Variants in PTPN5 observed in about 807,000 individuals in gnomAD.
The protein encoded by PTPN5 is protein tyrosine phosphatase non-receptor type 5.
PTPN5 carries 29 observed loss-of-function variants against 73.9 expected under a neutral mutation model. The ratio of observed to expected loss-of-function variants is 0.39; its 90% CI spans 0.29 to 0.54. PTPN5 has a LOEUF of 0.54. Ranked by LOEUF, PTPN5 falls within the 20% of genes least tolerant of loss-of-function variation. PTPN5 has a pLI of 0.65. For missense variants in PTPN5, 652 were observed against 751.4 expected (o/e 0.87, Z 1.55); for synonymous variants, 267 against 304.7 (o/e 0.88, Z 1.29).
chr11:18,746,495 G>T (rs1242033681), intron 3 of PTPN5, among the ~76,000 whole-genome samples: 1 of 151,968 alleles, frequency 6.6e-6, no homozygotes, highest in African/African-American at 2.4e-5. Flanking sequence ...CCCGGCAGCT[G>T]TTATAAATAT....
chr11:18,754,460 A>AG (rs1850037249), intron 3 of PTPN5, among the ~76,000 whole-genome samples: 1 of 152,040 alleles, frequency 6.6e-6, no homozygotes, highest in Non-Finnish European at 1.5e-5. Context: ...CTACAGGGAG[A>AG]GGGGAATTCC....
chr11:18,744,422 CAG>C, intron 3 of PTPN5: 1 of 400,026 alleles, frequency 2.5e-6, no homozygotes, highest in Non-Finnish European at 4.4e-6. Context: ...TCTCCAGTAA[CAG>C]AGTTAAAATG....
At chr11:18,791,276 G>C (rs940410732) in intron 1 of PTPN5, among the ~76,000 whole-genome samples, 1 of 152,210 alleles carries the variant, frequency 6.6e-6, no homozygotes, top group South Asian at 2.1e-4. Flanking sequence ...AACCGCGCAC[G>C]GGCTTCGTGG....
Position 18,749,297 on chromosome 11 carries a change from T to C in PTPN5, c.98-5098A>G, listed in dbSNP as rs1267723388. ...TCATGGACTCACCTCTTGCACAGGA[T>C]GATGGGATTTTCCAGGCAAGAAAAA... is the stretch of plus-strand genomic sequence containing the variant. On this transcript the variant is annotated intron_variant, in intron 3 of 14. Transcript: ENST00000358540. 19 of 484,844 alleles carry C rather than the reference T, an allele frequency of 3.9e-5. No individual in the cohort carries two copies. The Admixed American group carries it at 3.9e-4, about 10-fold the overall frequency. 30.0% of individuals were successfully genotyped at this position (484,844 alleles called of 1,614,324 possible). A position where few individuals can be genotyped will look rare whatever the true frequency, so the allele number is the denominator to read the frequency against.
intron 1 of PTPN5, among the ~76,000 whole-genome samples, chr11:18,786,074 A>C (rs1404104583): frequency 6.6e-6 from 1 of 152,192 alleles, no homozygotes; most frequent in Non-Finnish European, 1.5e-5. Flanking sequence ...ACAGTGGGAA[A>C]AGCTTTTCTC....
rs550692152 is a variant in PTPN5 at position 18,787,425 on chromosome 11, C to T, written c.-114+4100G>A. 3.3e-5 allele frequency among the ~76,000 whole-genome samples: 5 copies of T among 152,284 alleles called. No homozygotes were observed. In the East Asian group the frequency reaches 9.6e-4, roughly 29 times the overall value. On this transcript the variant is annotated intron_variant, in intron 1 of 14. Transcript: ENST00000358540. ...ATATAAGGTGAATAGGATATGTGTTCTCTTAGATTCATTAACATCATGCAG... is the reference window on the plus strand; with the variant it reads ...ATATAAGGTGAATAGGATATGTGTTTTCTTAGATTCATTAACATCATGCAG...
At chr11:18,760,689 C>G (rs1850345858) in intron 3 of PTPN5, among the ~76,000 whole-genome samples, 2 of 152,210 alleles carry the variant, frequency 1.3e-5, no homozygotes, top group African/African-American at 4.8e-5. Context: ...ATGGCTCCAG[C>G]CAGCTGCCCG....
chr11:18,733,660 G>A lies in PTPN5; in HGVS notation c.1001-25C>T, dbSNP rs763532175. On this transcript the variant is annotated intron_variant, in intron 9 of 14. Transcript: ENST00000358540. This position sits in a 1 kb window ranked among gnomAD's most constrained non-coding sequence, Gnocchi z 4.3. ...TCTGGGGTGGTGGGAGACAAGTAAG[G>A]CTGGAAACTGGGCCCTCTGGTGCAG... 6.2e-7 allele frequency: 1 copy of A among 1,610,694 alleles called. No individual in the cohort carries two copies. Among genetic ancestry groups the A allele is most frequent in the East Asian group, 2.2e-5 (1 of 44,866 alleles).
At chr11:18,768,351 A>G (rs1850728967) in intron 2 of PTPN5, among the ~76,000 whole-genome samples, 1 of 152,186 alleles carries the variant, frequency 6.6e-6, no homozygotes, top group Non-Finnish European at 1.5e-5. Flanking sequence ...CCCACATTTT[A>G]TACTGAGTTG....
Position 18,733,847 on chromosome 11 carries a change from G to A in PTPN5, c.1001-212C>T, listed in dbSNP as rs1027796617. ...AGGGTGGAGAGAGAGGGGGGTCCCC[G>A]GGTCTCTACCTCTGTCTCTATCCTT... On this transcript the variant is annotated intron_variant, in intron 9 of 14. Transcript: ENST00000358540. The surrounding 1 kb of genome is among the most constrained non-coding windows in gnomAD (Gnocchi z 4.3). Among the ~76,000 whole-genome samples the A allele has an allele frequency of 3.3e-5, 5 of 152,202 alleles. No homozygotes were observed. Among genetic ancestry groups the A allele is most frequent in the African/African-American group, 4.8e-5 (2 of 41,448 alleles).
intron 12 of PTPN5, among the ~76,000 whole-genome samples, chr11:18,731,666 G>T (rs1848883012): frequency 6.6e-6 from 1 of 152,184 alleles, no homozygotes; most frequent in Non-Finnish European, 1.5e-5. Flanking sequence ...CCTCCAACAA[G>T]ACCTGGATCT....
rs576080308 is a variant in PTPN5 at position 18,743,085 on chromosome 11, A to G, written c.400-10T>C. 3.0e-5 allele frequency: 46 copies of G among 1,543,374 alleles called. 3 individuals carry two copies. In the South Asian group the frequency reaches 4.8e-4, roughly 16 times the overall value. ...CAGAGTCAAGCCAGGCCTGGGGAAC[A>G]TCAGATAAACAGGTCAGGGTGGTGG... On this transcript the variant is annotated splice_polypyrimidine_tract_variant and intron_variant, in intron 5 of 14. Transcript: ENST00000358540.
chr11:18,749,468 T>C (rs1163652145), intron 3 of PTPN5: 5 of 483,406 alleles, frequency 1.0e-5, no homozygotes, highest in Non-Finnish European at 1.2e-5. Context: ...GGAGGTCCTA[T>C]GTCTGGGGTC....
chr11:18,742,191 C>A lies in PTPN5; in HGVS notation c.725+71G>T. ...CTGGGCACCAGGAGTCAGAGTCAGG[C>A]ATCCACTCTTCTGATCAGGAGCTAA... On this transcript the variant is annotated intron_variant, in intron 7 of 14. Transcript: ENST00000358540. This position sits in a 1 kb window ranked among gnomAD's most constrained non-coding sequence, Gnocchi z 4.1. 6.3e-7 allele frequency: 1 copy of A among 1,586,814 alleles called. No individual in the cohort carries two copies.
chr11:18,740,357 C>T (rs1365666570), intron 8 of PTPN5: 2 of 344,134 alleles, frequency 5.8e-6, no homozygotes, highest in Non-Finnish European at 1.1e-5. Context: ...TGGCTGGGTG[C>T]TCTGCACATG....
At chr11:18,755,799 T>C (rs1053051199) in intron 3 of PTPN5, among the ~76,000 whole-genome samples, 1 of 151,428 alleles carries the variant, frequency 6.6e-6, no homozygotes, top group Non-Finnish European at 1.5e-5. Context: ...AGGTCAGGAG[T>C]TCGAGACCAG....
At chr11:18,762,752 A>G (rs546343725) in intron 3 of PTPN5, among the ~76,000 whole-genome samples, 1 of 152,260 alleles carries the variant, frequency 6.6e-6, no homozygotes, top group African/African-American at 2.4e-5. Flanking sequence ...TCCTCTAACA[A>G]CTCTGCACAG....
chr11:18,731,135 TAC>T (rs940164042), intron 12 of PTPN5, among the ~76,000 whole-genome samples: 11 of 148,794 alleles, frequency 7.4e-5, no homozygotes, highest in Non-Finnish European at 1.2e-4. Flanking sequence ...CATATATATA[TAC>T]ACACACACCT....
chr11:18,737,901 G>A lies in PTPN5; in HGVS notation c.979C>T (p.Arg327Trp), dbSNP rs1364321806. ...YDIPGLVRKN[R>W]YKTILPNPHS... ...TCACTGGGAAGTATGGTTTTGTACC[G>A]GTTCTTCCGCACCAGCCCAGGGATG... Residue 327 changes from arginine (R) to tryptophan (W), a missense_variant, in exon 9 of 15, where the codon CGG (arginine) becomes TGG (tryptophan). By Grantham distance (101) the Arg-to-Trp change is moderately radical. Transcript: ENST00000358540. The A allele has an allele frequency of 3.1e-6, 5 of 1,614,050 alleles. No individual in the cohort carries two copies. Among genetic ancestry groups the A allele is most frequent in the Non-Finnish European group, 4.2e-6 (5 of 1,179,936 alleles).
Sources: gnomAD v4.1 joint callset for allele counts (sites outside exome capture counted in the v4.1 genomes callset) on GRCh38, gnomAD v4.1.1 for gene constraint, Gnocchi (gnomAD v3.1) non-coding constraint, MANE v1.5 for transcripts, NCBI Gene and HGNC (gene_info 2026-07-23, HGNC 2026-07-21) for gene names.